PCDH9: variants seen among roughly 807,000 people sequenced by gnomAD.
The protein encoded by PCDH9 is protocadherin-9.
In PCDH9, 24 loss-of-function variants were observed where a neutral mutation model predicts 70.6. That is an observed-to-expected ratio of 0.34 (90% confidence interval 0.25 to 0.48). PCDH9 has a LOEUF of 0.48. Among genes scored for constraint, PCDH9 ranks in the 20% least tolerant of loss-of-function variants. PCDH9 has a pLI of 0.99. For synonymous variants in PCDH9, 562 were observed against 558.5 expected (o/e 1.01, Z -0.09); for missense variants, 1,281 against 1,503.6 (o/e 0.85, Z 2.45).
At chr13:66,642,250 A>T (rs1234331950) in intron 3 of PCDH9, among the ~76,000 whole-genome samples, 2 of 152,096 alleles carry the variant, frequency 1.3e-5, no homozygotes. Flanking sequence ...TAAAATCCAA[A>T]CTTTATTAAC....
At chr13:66,538,222 T>A (rs900450710) in intron 4 of PCDH9, among the ~76,000 whole-genome samples, 1 of 152,116 alleles carries the variant, frequency 6.6e-6, no homozygotes, top group Non-Finnish European at 1.5e-5. Context: ...GCGGTAACAA[T>A]TAAAACATGC....
intron 4 of PCDH9, among the ~76,000 whole-genome samples, chr13:66,561,806 T>C (rs1232743560): frequency 6.6e-6 from 1 of 152,066 alleles, no homozygotes; most frequent in African/African-American, 2.4e-5. Context: ...CAGCAGGATG[T>C]GGGTGGGGCC....
chr13:66,993,930 GT>G (rs1477855727), intron 2 of PCDH9, among the ~76,000 whole-genome samples: 20 of 152,214 alleles, frequency 1.3e-4, no homozygotes, highest in African/African-American at 4.8e-4. Context: ...CAGAGAGCCC[GT>G]TAGTTGTTTA....
intron 2 of PCDH9, among the ~76,000 whole-genome samples, chr13:67,004,776 A>G (rs2084317397): frequency 1.3e-5 from 2 of 152,100 alleles, no homozygotes; most frequent in South Asian, 2.1e-4. Flanking sequence ...CAGAAAGTAG[A>G]TAAAGAAATA....
chr13:66,567,016 T>G (rs1001500331), intron 4 of PCDH9, among the ~76,000 whole-genome samples: 1 of 151,930 alleles, frequency 6.6e-6, no homozygotes, highest in South Asian at 2.1e-4. Context: ...GATATATGAA[T>G]GAAAGAATAT....
At chr13:66,389,029 ATG>A (rs1215442773) in intron 4 of PCDH9, among the ~76,000 whole-genome samples, 2 of 152,106 alleles carry the variant, frequency 1.3e-5, no homozygotes, top group Non-Finnish European at 2.9e-5. Context: ...TCTTCTGTCC[ATG>A]TGTTTTCCTT....
At chr13:66,484,804 C>G (rs1376030685) in intron 4 of PCDH9, among the ~76,000 whole-genome samples, 1 of 152,100 alleles carries the variant, frequency 6.6e-6, no homozygotes, top group Non-Finnish European at 1.5e-5. Flanking sequence ...CTTTGTTTCC[C>G]TATCTGTAGA....
intron 4 of PCDH9, among the ~76,000 whole-genome samples, chr13:66,559,799 C>CA (rs71205593): frequency 0.18 from 1,808 of 10,056 alleles, 206 homozygotes; most frequent in Middle Eastern, 0.43. Flanking sequence ...GACTCCATCT[C>CA]AAAAAAAAAA....
intron 2 of PCDH9, among the ~76,000 whole-genome samples, chr13:67,013,018 G>A (rs73211167): frequency 0.16 from 24,912 of 151,820 alleles, 2,164 homozygotes; most frequent in Middle Eastern, 0.24. Context: ...ATGTGTGTGT[G>A]TGTTCCATAA....
At chr13:67,198,344 A>C (rs917898224) in intron 2 of PCDH9, among the ~76,000 whole-genome samples, 1 of 151,966 alleles carries the variant, frequency 6.6e-6, no homozygotes, top group Non-Finnish European at 1.5e-5. Flanking sequence ...TTAAGAAGAA[A>C]TAAATCCTAA....
intron 4 of PCDH9, among the ~76,000 whole-genome samples, chr13:66,367,602 C>G (rs967663775): frequency 3.3e-5 from 5 of 151,932 alleles, no homozygotes; most frequent in Non-Finnish European, 7.4e-5. Flanking sequence ...AGGAAAAAAA[C>G]AAAAAGGTTT....
At chr13:67,168,185 C>A (rs115607299) in intron 2 of PCDH9, among the ~76,000 whole-genome samples, 2 of 152,114 alleles carry the variant, frequency 1.3e-5, no homozygotes, top group Non-Finnish European at 2.9e-5. Context: ...TGTGACAAAA[C>A]CTTTATTCTT....
chr13:67,099,514 A>C (rs376920973), intron 2 of PCDH9, among the ~76,000 whole-genome samples: 53 of 152,330 alleles, frequency 3.5e-4, no homozygotes, highest in African/African-American at 1.2e-3. Flanking sequence ...TCTAGCATAT[A>C]CTAAATGAAA....
At chr13:66,408,943 A>C (rs1472328933) in intron 4 of PCDH9, among the ~76,000 whole-genome samples, 1 of 152,208 alleles carries the variant, frequency 6.6e-6, no homozygotes, top group Non-Finnish European at 1.5e-5. Context: ...AAGGCTATAG[A>C]AACATATTGA....
chr13:66,933,575 G>T (rs537906237), intron 2 of PCDH9, among the ~76,000 whole-genome samples: 47 of 152,160 alleles, frequency 3.1e-4, no homozygotes, highest in South Asian at 6.2e-4. Flanking sequence ...TGTCCTAGTT[G>T]GTTCATAGCT....
intron 2 of PCDH9, among the ~76,000 whole-genome samples, chr13:66,961,715 A>C (rs2083348758): frequency 6.6e-6 from 1 of 152,222 alleles, no homozygotes; most frequent in South Asian, 2.1e-4. Context: ...AAATTGATTA[A>C]GAAAAATCAC....
intron 4 of PCDH9, among the ~76,000 whole-genome samples, chr13:66,425,000 G>A (rs1391558270): frequency 3.3e-5 from 5 of 151,704 alleles, no homozygotes; most frequent in Admixed American, 3.3e-4. Flanking sequence ...AGAAAATTAT[G>A]ACATGCCAGG....
At chr13:66,503,994 C>G (rs1959190776) in intron 4 of PCDH9, among the ~76,000 whole-genome samples, 1 of 152,184 alleles carries the variant, frequency 6.6e-6, no homozygotes, top group Non-Finnish European at 1.5e-5. Context: ...ACGTGTCCAA[C>G]TTCATTTCAT....
At chr13:67,080,875 G>A (rs2085969974) in intron 2 of PCDH9, among the ~76,000 whole-genome samples, 1 of 152,102 alleles carries the variant, frequency 6.6e-6, no homozygotes, top group African/African-American at 2.4e-5. Context: ...ATGATAACAT[G>A]TATTGTTACA....
Sources: gnomAD v4.1 joint callset for allele counts (sites outside exome capture counted in the v4.1 genomes callset) on GRCh38, gnomAD v4.1.1 for gene constraint, MANE v1.5 for transcripts, NCBI Gene and HGNC (gene_info 2026-07-23, HGNC 2026-07-21) for gene names.